ALMS1: variants seen among roughly 807,000 people sequenced by gnomAD.
ALMS1 encodes ALMS1 centrosome and basal body associated protein, also known as centrosome-associated protein ALMS1.
A neutral mutation model predicts 352.2 loss-of-function variants in ALMS1; 271 were observed. That is an observed-to-expected ratio of 0.77 (90% confidence interval 0.70 to 0.85). ALMS1 has a LOEUF of 0.85. Among genes scored for constraint, ALMS1 ranks in the 40% least tolerant of loss-of-function variants. ALMS1 has a pLI of 0.00. For missense variants in ALMS1, 5,445 were observed against 4,870.7 expected, an observed-to-expected ratio of 1.12 and a Z score of -3.51; for synonymous variants, 1,865 against 1,761.2, an observed-to-expected ratio of 1.06 and a Z score of -1.48.
At chr2:73,571,760 A>T (rs1454419606) in intron 15 of ALMS1, among the ~76,000 whole-genome samples, 3 of 152,214 alleles carry the variant, frequency 2.0e-5, no homozygotes, top group Non-Finnish European at 4.4e-5. Context: ...TGGTCCACAG[A>T]AAAGGAATTT....
chr2:73,529,494 T>TGAAG (rs1673864387), intron 11 of ALMS1, among the ~76,000 whole-genome samples: 1 of 152,192 alleles, frequency 6.6e-6, no homozygotes, highest in Non-Finnish European at 1.5e-5. Context: ...GTCTGAGCAT[T>TGAAG]GAAGAATTAG....
At chr2:73,442,058 T>C (rs1528169) in intron 7 of ALMS1, among the ~76,000 whole-genome samples, 77,317 of 151,944 alleles carry the variant, frequency 0.51, 22,646 homozygotes, top group East Asian at 0.77. Flanking sequence ...TCCTGAACTA[T>C]TAATAATAGC....
intron 16 of ALMS1, among the ~76,000 whole-genome samples, chr2:73,595,111 C>T (rs1675518727): frequency 6.6e-6 from 1 of 152,158 alleles, no homozygotes; most frequent in Non-Finnish European, 1.5e-5. Flanking sequence ...ACAGTACAAC[C>T]ACATGATACA....
intron 12 of ALMS1, among the ~76,000 whole-genome samples, chr2:73,540,084 T>C (rs6752620): frequency 0.064 from 9,655 of 151,962 alleles, 780 homozygotes; most frequent in African/African-American, 0.17. Context: ...TTCACCAAAG[T>C]TGAAATGAAG....
chr2:73,522,111 G>T (rs1276718627), intron 11 of ALMS1, among the ~76,000 whole-genome samples: 2 of 152,132 alleles, frequency 1.3e-5, no homozygotes, highest in African/African-American at 4.8e-5. Context: ...AGGCAGTCCA[G>T]TGTAACCTTA....
At chr2:73,508,136 C>A (rs1278671942) in intron 10 of ALMS1, among the ~76,000 whole-genome samples, 1 of 146,878 alleles carries the variant, frequency 6.8e-6, no homozygotes, top group African/African-American at 2.5e-5. Flanking sequence ...CTTTCCTTTC[C>A]CTTTCCCTTT....
intron 9 of ALMS1, among the ~76,000 whole-genome samples, chr2:73,483,868 C>T (rs1280952211): frequency 1.0e-4 from 15 of 145,420 alleles, no homozygotes; most frequent in East Asian, 5.9e-4. Context: ...GGTTTAAAGT[C>T]TGTTTTATCA....
chr2:73,607,726 CT>C (rs1675845184), intron 21 of ALMS1, among the ~76,000 whole-genome samples: 1 of 152,012 alleles, frequency 6.6e-6, no homozygotes, highest in African/African-American at 2.4e-5. Flanking sequence ...TCAGTGCAAC[CT>C]CTGCCACCCA....
At chr2:73,466,033 G>A (rs1159424034) in intron 9 of ALMS1, among the ~76,000 whole-genome samples, 1 of 152,080 alleles carries the variant, frequency 6.6e-6, no homozygotes, top group Non-Finnish European at 1.5e-5. Context: ...TACACTGTTG[G>A]TGGGACTATA....
At chr2:73,386,340 G>A in intron 1 of ALMS1, 148 bp downstream of exon 1, 1 of 1,163,918 alleles carries the variant, frequency 8.6e-7, no homozygotes, top group Admixed American at 3.3e-5. Context: ...TCCAGCCCAG[G>A]TGCCGGCCGG....
At chr2:73,402,626 A>T (rs909926028) in intron 1 of ALMS1, among the ~76,000 whole-genome samples, 2 of 152,150 alleles carry the variant, frequency 1.3e-5, no homozygotes, top group Admixed American at 6.6e-5. Context: ...ACTGGTTTAC[A>T]TTGCCACCAG....
chr2:73,511,269 C>T (rs1159547321), intron 10 of ALMS1, among the ~76,000 whole-genome samples: 1 of 152,030 alleles, frequency 6.6e-6, no homozygotes, highest in East Asian at 1.9e-4. Context: ...TCGGTGTCTG[C>T]CCAAATGGCC....
At chr2:73,537,715 TA>T (rs1345997485) in intron 12 of ALMS1, among the ~76,000 whole-genome samples, 2 of 152,098 alleles carry the variant, frequency 1.3e-5, no homozygotes, top group African/African-American at 4.8e-5. Flanking sequence ...TTGTATTACT[TA>T]AATGTCCAGG....
chr2:73,562,818 CAG>C (rs1482507448), intron 15 of ALMS1, among the ~76,000 whole-genome samples: 1 of 151,882 alleles, frequency 6.6e-6, no homozygotes, highest in African/African-American at 2.4e-5. Context: ...TTCCGGGAGA[CAG>C]AGGTTGCAGT....
At chr2:73,555,744 A>G (rs1049643651) in intron 13 of ALMS1, among the ~76,000 whole-genome samples, 1 of 152,198 alleles carries the variant, frequency 6.6e-6, no homozygotes, top group Non-Finnish European at 1.5e-5. Context: ...GTGCTTTTCA[A>G]AATAGGAAAT....
intron 9 of ALMS1, among the ~76,000 whole-genome samples, chr2:73,472,614 C>T (rs1333078179): frequency 6.6e-6 from 1 of 151,956 alleles, no homozygotes; most frequent in Non-Finnish European, 1.5e-5. Context: ...ACATTAAAAA[C>T]CAGGAAAAGT....
chr2:73,561,608 G>A (rs546196565), intron 15 of ALMS1, among the ~76,000 whole-genome samples: 2 of 150,422 alleles, frequency 1.3e-5, no homozygotes, highest in East Asian at 3.9e-4. Flanking sequence ...TTTAGTAGGT[G>A]TAGGGTTTCA....
Position 73,422,994 on chromosome 2 carries a change from T to C in ALMS1, c.764+20T>C. 6.4e-7 allele frequency: 1 copy of C among 1,565,496 alleles called. No homozygotes were observed. Among genetic ancestry groups the C allele is most frequent in the South Asian group, 1.1e-5 (1 of 90,000 alleles). On this transcript the variant is annotated intron_variant, in intron 4 of 22. Coordinates refer to ENST00000613296, the MANE Select transcript of ALMS1 (RefSeq NM_001378454.1). ...TCTGAGGTAGGATGATTTATTTGCATGTAACCTTTCTCACTTCTTGTTCTA... is the reference window on the plus strand; with the variant it reads ...TCTGAGGTAGGATGATTTATTTGCACGTAACCTTTCTCACTTCTTGTTCTA...
In ALMS1 at chr2:73,489,970, C is replaced by G; in HGVS notation, c.8011C>G (p.Pro2671Ala). 6.2e-7 allele frequency: 1 copy of G among 1,614,122 alleles called. No homozygotes were observed. ...EFKISKGLRM[P>A]FDEKMDPWLS... Reference sequence around the variant, plus strand: ...CAAAATCAGCAAAGGTCTTCGAATGCCATTCGATGAAAAGATGGACCCTTG... The same window carrying G: ...CAAAATCAGCAAAGGTCTTCGAATGGCATTCGATGAAAAGATGGACCCTTG... The change falls in exon 10 of 23, where the codon CCA becomes GCA. Residue 2671 changes from proline (P) to alanine (A), a missense_variant. By Grantham distance (27) the Pro-to-Ala change is conservative (BLOSUM62 -1). Transcript: ENST00000613296.
Sources: gnomAD v4.1 joint callset for allele counts (sites outside exome capture counted in the v4.1 genomes callset) on GRCh38, gnomAD v4.1.1 for gene constraint, MANE v1.5 for transcripts, NCBI Gene and HGNC (gene_info 2026-07-23, HGNC 2026-07-21) for gene names.